Variants in ZNF451 observed in about 807,000 individuals in gnomAD.
The protein encoded by ZNF451 is E3 SUMO-protein ligase ZNF451.
In ZNF451, 80 loss-of-function variants were observed where a neutral mutation model predicts 107.1. That is an observed-to-expected ratio of 0.75 (90% CI 0.62 to 0.90). The LOEUF (loss-of-function observed/expected upper bound fraction) is 0.90. ZNF451 is among the 40% of genes least tolerant of loss of function. The pLI is 0.00. For synonymous variants in ZNF451, 362 were observed against 406.5 expected (o/e 0.89, Z 1.32); for missense variants, 1,107 against 1,236.2 (o/e 0.90, Z 1.57).
At chr6:57,134,653 T>C in intron 6 of ZNF451, 91 bp from the exon 7 acceptor site, 2 of 1,130,416 alleles carry the variant, frequency 1.8e-6, no homozygotes, top group South Asian at 3.0e-5. Context: ...AATGTGTGTG[T>C]ATGTGTTTAG....
At chr6:57,107,828 A>G in intron 3 of ZNF451, 1 of 959,448 alleles carries the variant, frequency 1.0e-6, no homozygotes. Context: ...TAAATAGTTT[A>G]TATTTGATGA....
chr6:57,094,428 C>T (rs925666064), intron 2 of ZNF451, among the ~76,000 whole-genome samples: 2 of 152,184 alleles, frequency 1.3e-5, no homozygotes, highest in African/African-American at 4.8e-5. Flanking sequence ...CCCTCCCCAG[C>T]CTTCCGAGTA....
In ZNF451 at chr6:57,170,305, A is replaced by G. The variant is rs946254122; in HGVS notation, c.*1836A>G. The G allele has an allele frequency of 6.6e-6, 1 of 152,248 alleles. No homozygotes were observed. Among genetic ancestry groups the G allele is most frequent in the African/African-American group, 2.4e-5 (1 of 41,468 alleles). The allele number at this position is 152,248 out of a possible 1,614,324, so 9.4% of individuals were successfully genotyped here. A position where few individuals can be genotyped will look rare whatever the true frequency, so the allele number is the denominator to read the frequency against. ...AAGTAAATGTTTCTAACATTGACAA[A>G]GATGCTTATCTTTTCATTACATCAT... On this transcript the variant is annotated 3_prime_UTR_variant, in exon 15 of 15. Transcript: ENST00000370706.
chr6:57,114,410 GT>G (rs1367477594), intron 3 of ZNF451, among the ~76,000 whole-genome samples: 2 of 152,106 alleles, frequency 1.3e-5, no homozygotes, highest in Admixed American at 6.5e-5. Flanking sequence ...ACAAATTTGT[GT>G]TTTAGCTAAA....
rs1287005783 is a variant in ZNF451, at chr6:57,168,777, C to T, written c.*308C>T. 1 of 248,398 alleles carries T rather than the reference C, an allele frequency of 4.0e-6. No homozygotes were observed. The highest frequency in any genetic ancestry group is 2.3e-5 in the African/African-American group (1 of 43,728). 15.4% of individuals were successfully genotyped at this position (248,398 alleles called of 1,614,324 possible). A position where few individuals can be genotyped will look rare whatever the true frequency, so the allele number is the denominator to read the frequency against. On this transcript the variant is annotated 3_prime_UTR_variant, in exon 15 of 15. Coordinates refer to ENST00000370706, the MANE Select transcript of ZNF451 (RefSeq NM_001031623.3). ...TAAAGGATTAAAAAAAAGGAAAGCT[C>T]TTGACAGTTGTTTCCCAAATAGCAT... is the stretch of plus-strand genomic sequence containing the variant.
At chr6:57,149,826 T>A (rs960856770) in intron 10 of ZNF451, among the ~76,000 whole-genome samples, 12 of 148,348 alleles carry the variant, frequency 8.1e-5, no homozygotes, top group African/African-American at 3.0e-4. Flanking sequence ...TGCGCTTCTG[T>A]TTACTTTTTT....
chr6:57,129,553 T>A (rs548278778), intron 5 of ZNF451, among the ~76,000 whole-genome samples: 1 of 152,320 alleles, frequency 6.6e-6, no homozygotes, highest in South Asian at 2.1e-4. Context: ...TATCTATGCA[T>A]GCAATGCTTA....
intron 13 of ZNF451, chr6:57,154,358 G>T: frequency 2.2e-6 from 1 of 448,460 alleles, no homozygotes; most frequent in Non-Finnish European, 3.9e-6. Flanking sequence ...TCAGAATTCA[G>T]ATCTTCACTT....
In ZNF451 at chr6:57,168,598, A is replaced by G; in HGVS notation, c.*129A>G. 2 of 742,606 alleles carry G rather than the reference A, an allele frequency of 2.7e-6. No individual in the cohort carries two copies. Among genetic ancestry groups the G allele is most frequent in the East Asian group, 2.7e-5 (1 of 36,454 alleles). 46.0% of individuals were successfully genotyped at this position (742,606 alleles called of 1,614,324 possible). A position where few individuals can be genotyped will look rare whatever the true frequency, so the allele number is the denominator to read the frequency against. ...TATTTGAAAACATGTTTTTGCTTTCATATGTTCAAAATCTGATCTTTGTTT... is the reference window on the plus strand; with the variant it reads ...TATTTGAAAACATGTTTTTGCTTTCGTATGTTCAAAATCTGATCTTTGTTT... On this transcript the variant is annotated 3_prime_UTR_variant, in exon 15 of 15. Coordinates refer to ENST00000370706, the MANE Select transcript of ZNF451 (RefSeq NM_001031623.3).
In ZNF451 at chr6:57,106,611, ATTTTTTTTT is replaced by A. The variant is rs75440505; in HGVS notation, c.186+7482_186+7490del. ...GTGAGCCACCGCGCCTGGCTGTGAA[ATTTTTTTTT>A]TTTTTTTTTTTATGTGAGGCATATT... On this transcript the variant is annotated intron_variant, in intron 3 of 14. Transcript: ENST00000370706. 18 of 949,502 alleles carry A rather than the reference ATTTTTTTTT, an allele frequency of 1.9e-5. No individual in the cohort carries two copies. In the Admixed American group the frequency reaches 6.9e-4, roughly 36 times the overall value. The allele number at this position is 949,502 out of a possible 1,614,324, so 58.8% of individuals were successfully genotyped here.
At chr6:57,163,436 C>T (rs1405696827) in intron 14 of ZNF451, among the ~76,000 whole-genome samples, 23 of 30,330 alleles carry the variant, frequency 7.6e-4, no homozygotes, top group African/African-American at 1.1e-3. Context: ...AATGAATAAA[C>T]TTTTTTTTTT....
chr6:57,121,036 A>G (rs1445287882), intron 3 of ZNF451, among the ~76,000 whole-genome samples: 2 of 151,992 alleles, frequency 1.3e-5, no homozygotes, highest in Admixed American at 6.6e-5. Flanking sequence ...TTGTTCTGTG[A>G]TTCATTTTAT....
intron 3 of ZNF451, chr6:57,101,454 C>A (rs1829591697): frequency 6.4e-7 from 1 of 1,550,730 alleles, no homozygotes; most frequent in African/African-American, 1.4e-5. Context: ...CAGCTGAAGG[C>A]CCCATTGTAG....
chr6:57,156,121 A>C (rs1206072822), intron 13 of ZNF451, among the ~76,000 whole-genome samples: 2 of 152,158 alleles, frequency 1.3e-5, no homozygotes, highest in Admixed American at 1.3e-4. Context: ...TTAACAAATA[A>C]TAGCTATTTT....
chr6:57,124,477 G>A (rs1192458512), intron 3 of ZNF451: 6 of 716,810 alleles, frequency 8.4e-6, no homozygotes, highest in Non-Finnish European at 7.8e-6. Context: ...GATCTGAGAA[G>A]AGTTTACTCT....
intron 3 of ZNF451, chr6:57,105,148 ACCTGCAACAAAATTC>A: frequency 1.0e-6 from 1 of 985,412 alleles, no homozygotes; most frequent in Non-Finnish European, 1.2e-6. Flanking sequence ...CATGTTCAGA[ACCTGCAACAAAATTC>A]CCTACTAGGC....
At chr6:57,114,839 A>C (rs1254915432) in intron 3 of ZNF451, 1 of 152,226 alleles carries the variant, frequency 6.6e-6, no homozygotes, top group African/African-American at 2.4e-5. Context: ...GATTGTAGAA[A>C]AATTAGAAAA....
At chr6:57,132,766 C>T (rs762642403) in intron 5 of ZNF451, among the ~76,000 whole-genome samples, 7 of 151,360 alleles carry the variant, frequency 4.6e-5, no homozygotes, top group Non-Finnish European at 8.8e-5. Flanking sequence ...TGAGCGACAG[C>T]AGGAGAATTG....
chr6:57,150,039 T>C (rs1832271600), intron 10 of ZNF451, among the ~76,000 whole-genome samples: 1 of 152,110 alleles, frequency 6.6e-6, no homozygotes, highest in Admixed American at 6.6e-5. Flanking sequence ...ACAGGAAACT[T>C]TAAGGCCTTG....
Sources: allele counts gnomAD v4.1 joint callset (sites outside exome capture counted in the v4.1 genomes callset), GRCh38; gene constraint gnomAD v4.1.1; transcripts MANE v1.5; gene names NCBI Gene and HGNC (gene_info 2026-07-23, HGNC 2026-07-21).